The following DISP3 variants were observed in gnomAD, a reference collection of about 807,000 sequenced individuals.
DISP3 encodes protein dispatched homolog 3.
A neutral mutation model predicts 135.3 loss-of-function variants in DISP3; 101 were observed. The ratio of observed to expected loss-of-function variants is 0.75; its 90% confidence interval spans 0.64 to 0.88. DISP3 has a LOEUF of 0.88. DISP3 is among the 40% of genes least tolerant of loss of function. DISP3 has a pLI of 0.00. For synonymous variants in DISP3, 856 were observed against 817.0 expected (o/e 1.05, Z -0.81); for missense variants, 1,713 against 1,878.6 (o/e 0.91, Z 1.63).
rs1043843579 is a variant in DISP3 at position 11,537,083 on chromosome 1, C to T, written c.*397C>T. 6.0e-5 allele frequency: 11 copies of T among 184,244 alleles called. No homozygotes were observed. Among genetic ancestry groups the T allele is most frequent in the Middle Eastern group, 2.5e-3 (1 of 406 alleles). 11.4% of individuals were successfully genotyped at this position (184,244 alleles called of 1,614,324 possible). A position where few individuals can be genotyped will look rare whatever the true frequency, so the allele number is the denominator to read the frequency against. On this transcript the variant is annotated 3_prime_UTR_variant, in exon 21 of 21. Transcript: ENST00000294484. ...CATTCTACCGATGTGAAAACTGAGG[C>T]GCCAGGACACAGTGGCTGCCCTGTC...
At chr1:11,515,275 A>G in intron 4 of DISP3, 94 bp from the exon 5 acceptor site, 1 of 1,485,988 alleles carries the variant, frequency 6.7e-7, no homozygotes, top group Non-Finnish European at 9.2e-7. Flanking sequence ...GTTGGGGAGA[A>G]GAGACAGGAC....
intron 1 of DISP3, among the ~76,000 whole-genome samples, chr1:11,480,915 G>A (rs1460524277): frequency 8.2e-6 from 1 of 121,296 alleles, no homozygotes; most frequent in African/African-American, 3.8e-5. Flanking sequence ...CATTTTGCTT[G>A]GCTCTCTACC....
At chr1:11,493,018 T>G (rs1395155785) in intron 1 of DISP3, among the ~76,000 whole-genome samples, 3 of 152,176 alleles carry the variant, frequency 2.0e-5, no homozygotes, top group Non-Finnish European at 4.4e-5. Context: ...ACGGCCCCAT[T>G]GTATTAGGGT....
intron 17 of DISP3, among the ~76,000 whole-genome samples, chr1:11,532,838 C>T (rs1180011788): frequency 6.6e-6 from 1 of 152,116 alleles, no homozygotes; most frequent in South Asian, 2.1e-4. Flanking sequence ...GCTGGGACTA[C>T]AGGTGCACAC....
At chr1:11,504,213 C>A (rs1204661792) in intron 3 of DISP3, among the ~76,000 whole-genome samples, 1 of 152,246 alleles carries the variant, frequency 6.6e-6, no homozygotes, top group African/African-American at 2.4e-5. Flanking sequence ...AATTCTCACA[C>A]CAACCCAATG....
rs987397798 is a variant in DISP3 at position 11,518,272 on chromosome 1, C to T, written c.1889+670C>T. Among the ~76,000 whole-genome samples the T allele has an allele frequency of 8.5e-5, 13 of 152,248 alleles. No individual in the cohort carries two copies. The South Asian group carries it at 1.9e-3, about 22-fold the overall frequency. ...GTGTTCAGGGACCCATGACAATGTC[C>T]GCTCGCCCATGGTGAGCCCCAGAGG... On this transcript the variant is annotated intron_variant, in intron 7 of 20. Coordinates refer to ENST00000294484, the MANE Select transcript of DISP3 (RefSeq NM_020780.2).
chr1:11,536,584 C>T lies in DISP3; in HGVS notation c.4077C>T (p.Ala1359=), dbSNP rs1287022770. 6.2e-7 allele frequency: 1 copy of T among 1,612,052 alleles called. No individual in the cohort carries two copies. Among genetic ancestry groups the T allele is most frequent in the Non-Finnish European group, 8.5e-7 (1 of 1,179,838 alleles). ...FTRTRTSFLK[A]LGAVLLAGAL... ...GGACCCGGACTTCCTTCCTCAAGGCCCTGGGTGCCGTGCTGCTGGCAGGGG... is the reference window on the plus strand; with the variant it reads ...GGACCCGGACTTCCTTCCTCAAGGCTCTGGGTGCCGTGCTGCTGGCAGGGG... The change falls in exon 21 of 21, where the codon GCC becomes GCT. Residue 1359 remains alanine, a synonymous_variant. Coordinates refer to ENST00000294484, the MANE Select transcript of DISP3 (RefSeq NM_020780.2). This position sits in a 1 kb window ranked among gnomAD's most constrained non-coding sequence, Gnocchi z 4.3.
intron 10 of DISP3, among the ~76,000 whole-genome samples, chr1:11,521,669 G>A (rs181936876): frequency 1.2e-3 from 180 of 150,118 alleles, no homozygotes; most frequent in African/African-American, 4.3e-3. Context: ...AGGCTGGGAG[G>A]GGAGAGGAGA....
chr1:11,497,864 A>C (rs1006463967), intron 1 of DISP3, among the ~76,000 whole-genome samples: 1 of 152,202 alleles, frequency 6.6e-6, no homozygotes, highest in Non-Finnish European at 1.5e-5. Flanking sequence ...GTTCTATTGA[A>C]TACCTCACCC....
At position 11,501,575 on chromosome 1, in the gene DISP3, C is replaced by G; in HGVS notation, c.583C>G (p.Pro195Ala). Reference protein sequence around the residue: ...PYRDTSAAQKPTANRSGRLRR... With the variant: ...PYRDTSAAQKATANRSGRLRR... ...CCGGGACACTTCCGCGGCTCAAAAG[C>G]CCACAGCCAATCGGAGCGGGCGACT... The change falls in exon 2 of 21, where the codon CCC (proline) becomes GCC (alanine). Residue 195 changes from proline (P) to alanine (A), a missense_variant. Around this residue, in one of 2 missense-constraint regions of DISP3, gnomAD observed 571 missense variants for 494.1 expected, o/e 1.16. Coordinates refer to ENST00000294484, the MANE Select transcript of DISP3 (RefSeq NM_020780.2). The surrounding 1 kb of genome is among the most constrained non-coding windows in gnomAD (Gnocchi z 4.9). 6.3e-7 allele frequency: 1 copy of G among 1,591,622 alleles called. No individual in the cohort carries two copies. The highest frequency in any genetic ancestry group is 1.1e-5 in the South Asian group (1 of 88,676).
At position 11,505,162 on chromosome 1, in the gene DISP3, GCAGTATTTT is replaced by G. The variant is rs1641662336; in HGVS notation, c.1316+2269_1316+2277del. ...AAGCTCAAGTTCTGTCCCAGACCTG[GCAGTATTTT>G]CAGGTGATTTGTTTGCACATTTAAG... On this transcript the variant is annotated intron_variant, in intron 3 of 20. Coordinates refer to ENST00000294484, the MANE Select transcript of DISP3 (RefSeq NM_020780.2). Among the ~76,000 whole-genome samples, 2 of 152,220 alleles carry G rather than the reference GCAGTATTTT, an allele frequency of 1.3e-5. 1 individual carries two copies. The highest frequency in any genetic ancestry group is 4.1e-4 in the South Asian group (2 of 4,832).
At chr1:11,514,318 A>G (rs1416566124) in intron 3 of DISP3, 72 bp from the exon 4 acceptor site, 1 of 1,497,994 alleles carries the variant, frequency 6.7e-7, no homozygotes, top group African/African-American at 1.4e-5. Context: ...ACTCCTCTAC[A>G]TGTTCACATG....
chr1:11,529,890 C>A lies in DISP3; in HGVS notation c.3033C>A (p.Val1011=), dbSNP rs973850308. ...VRPLVDTGAM[V]FVVFGIIGVN... ...CACTAGTGGATACCGGGGCCATGGT[C>A]TTTGTGGTCTTCGGCATTATTGGCG... Residue 1011 remains valine (V), a synonymous_variant, in exon 15 of 21, where the codon GTC becomes GTA. Transcript: ENST00000294484. This position sits in a 1 kb window ranked among gnomAD's most constrained non-coding sequence, Gnocchi z 4.7. 6.2e-6 allele frequency: 10 copies of A among 1,613,926 alleles called. No individual in the cohort carries two copies. The highest frequency in any genetic ancestry group is 8.5e-6 in the Non-Finnish European group (10 of 1,180,044).
intron 2 of DISP3, 132 bp downstream of exon 2, chr1:11,502,220 G>A (rs1013812267): frequency 1.7e-5 from 23 of 1,350,820 alleles, no homozygotes; most frequent in African/African-American, 1.6e-4. Flanking sequence ...GGGCATGGCC[G>A]GAGGGCAAGG....
chr1:11,501,772 C>A lies in DISP3; in HGVS notation c.780C>A (p.Arg260=), dbSNP rs746319373. The change falls in exon 2 of 21, where the codon CGC becomes CGA. Residue 260 remains arginine (R), a synonymous_variant. Coordinates refer to ENST00000294484, the MANE Select transcript of DISP3 (RefSeq NM_020780.2). The surrounding 1 kb of genome is among the most constrained non-coding windows in gnomAD (Gnocchi z 4.9). ...RRGASRWDYS[R]AYVSANTQTH... is the part of the protein sequence containing the mutation. ...GCGCCTCGCGCTGGGACTACTCGCG[C>A]GCCTATGTGAGTGCCAACACTCAGA... 5.6e-6 allele frequency: 9 copies of A among 1,594,232 alleles called. No individual in the cohort carries two copies. The African/African-American group carries it at 1.2e-4, about 21-fold the overall frequency.
intron 11 of DISP3, among the ~76,000 whole-genome samples, chr1:11,524,729 G>C (rs1172093782): frequency 1.2e-5 from 1 of 82,078 alleles, no homozygotes; most frequent in Non-Finnish European, 2.3e-5. Flanking sequence ...CCCCATCCCT[G>C]TGCCTACCAT....
At chr1:11,527,617 C>A (rs549156956) in intron 13 of DISP3, among the ~76,000 whole-genome samples, 1 of 152,168 alleles carries the variant, frequency 6.6e-6, no homozygotes, top group South Asian at 2.1e-4. Flanking sequence ...GGTCTCTGCC[C>A]AGGGCTGGGG....
intron 4 of DISP3, 120 bp downstream of exon 4, chr1:11,514,646 C>T: frequency 7.7e-7 from 1 of 1,304,210 alleles, no homozygotes; most frequent in Non-Finnish European, 1.1e-6. Flanking sequence ...GCTGGGGACA[C>T]AGGGATATGC....
At chr1:11,506,666 A>G (rs1011366242) in intron 3 of DISP3, among the ~76,000 whole-genome samples, 2 of 152,200 alleles carry the variant, frequency 1.3e-5, no homozygotes, top group East Asian at 1.9e-4. Context: ...GTTCTTAAAC[A>G]TATTAATTAT....
Sources: allele counts gnomAD v4.1 joint callset (sites outside exome capture counted in the v4.1 genomes callset), GRCh38; gene constraint gnomAD v4.1.1; regional missense constraint gnomAD v4.1.1; non-coding constraint Gnocchi (gnomAD v3.1); transcripts MANE v1.5; gene names NCBI Gene and HGNC (gene_info 2026-07-23, HGNC 2026-07-21).